The following NUCKS1 variants were observed in gnomAD, a reference collection of about 807,000 sequenced individuals.
The protein encoded by NUCKS1 is nuclear ubiquitous casein and cyclin-dependent kinase substrate 1.
A neutral mutation model predicts 33.0 loss-of-function variants in NUCKS1; 2 were observed. The observed-to-expected ratio is 0.06, with a 90% CI of 0.02 to 0.19. The LOEUF (loss-of-function observed/expected upper bound fraction) is 0.19, where lower values mean the gene tolerates loss of function less well. Among genes scored for constraint, NUCKS1 ranks in the 10% least tolerant of loss-of-function variants. The pLI is 1.00. For missense variants in NUCKS1, 201 were observed against 293.6 expected, an observed-to-expected ratio of 0.68 and a Z score of 2.31; for synonymous variants, 106 against 102.8, an observed-to-expected ratio of 1.03 and a Z score of -0.19.
In NUCKS1 at chr1:205,717,600, T is replaced by A; in HGVS notation, c.*680A>T. 1 of 984,416 alleles carries A rather than the reference T, an allele frequency of 1.0e-6. No individual in the cohort carries two copies. The highest frequency in any genetic ancestry group is 1.2e-6 in the Non-Finnish European group (1 of 829,862). 61.0% of individuals were successfully genotyped at this position (984,416 alleles called of 1,614,324 possible). A position where few individuals can be genotyped will look rare whatever the true frequency, so the allele number is the denominator to read the frequency against. On this transcript the variant is annotated 3_prime_UTR_variant, in exon 7 of 7. Coordinates refer to ENST00000367142, the MANE Select transcript of NUCKS1 (RefSeq NM_022731.5). ...GTGATGAAATAAAAAAGAAAGCCCA[T>A]ACCCTCAAATAAGGTCAGGTAACCC...
intron 1 of NUCKS1, among the ~76,000 whole-genome samples, chr1:205,734,618 G>A (rs1653989484): frequency 6.6e-6 from 1 of 152,196 alleles, no homozygotes; most frequent in Non-Finnish European, 1.5e-5. Flanking sequence ...TTCAGGCCGG[G>A]CTTGGTGGCT....
At chr1:205,729,512 T>C (rs1653857353) in intron 2 of NUCKS1, 60 bp downstream of exon 2, 1 of 1,090,428 alleles carries the variant, frequency 9.2e-7, no homozygotes, top group African/African-American at 1.6e-5. Flanking sequence ...TAAAACTATA[T>C]AAGCTGGTAA....
At chr1:205,740,383 C>T (rs1654138188) in intron 1 of NUCKS1, among the ~76,000 whole-genome samples, 1 of 151,916 alleles carries the variant, frequency 6.6e-6, no homozygotes, top group East Asian at 1.9e-4. Flanking sequence ...CTCTGGGAGG[C>T]AGAGATGGCA....
intron 1 of NUCKS1, among the ~76,000 whole-genome samples, chr1:205,745,766 T>C (rs568435352): frequency 6.6e-6 from 1 of 152,316 alleles, no homozygotes; most frequent in South Asian, 2.1e-4. Context: ...AACTGTAACA[T>C]ATTCTTTAAG....
At chr1:205,728,538 T>G (rs1653831193) in intron 2 of NUCKS1, among the ~76,000 whole-genome samples, 1 of 152,304 alleles carries the variant, frequency 6.6e-6, no homozygotes, top group East Asian at 1.9e-4. Flanking sequence ...AAATATTAAA[T>G]ACAAACATTT....
intron 1 of NUCKS1, among the ~76,000 whole-genome samples, chr1:205,746,633 T>C (rs1654340264): frequency 6.6e-6 from 1 of 152,178 alleles, no homozygotes. Flanking sequence ...TGAAACCAAT[T>C]GTTTTGGGGG....
intron 1 of NUCKS1, among the ~76,000 whole-genome samples, chr1:205,743,612 T>G (rs978610588): frequency 6.6e-6 from 1 of 152,248 alleles, no homozygotes; most frequent in Non-Finnish European, 1.5e-5. Flanking sequence ...GAAAGATTGT[T>G]TTGTTCTTGG....
intron 1 of NUCKS1, among the ~76,000 whole-genome samples, chr1:205,748,898 CTTT>C (rs1654399510): frequency 1.3e-5 from 2 of 152,278 alleles, no homozygotes; most frequent in East Asian, 1.9e-4. Flanking sequence ...AACAGCTCTC[CTTT>C]TTAAGGCCTC....
intron 1 of NUCKS1, among the ~76,000 whole-genome samples, chr1:205,736,724 G>A (rs1348556629): frequency 6.6e-6 from 1 of 151,932 alleles, no homozygotes; most frequent in Non-Finnish European, 1.5e-5. Flanking sequence ...CCAGGTACTT[G>A]GGAGGTTGAG....
Position 205,717,210 on chromosome 1 carries a change from T to C in NUCKS1, c.*1070A>G, listed in dbSNP as rs547206389. 27 of 576,756 alleles carry C rather than the reference T, an allele frequency of 4.7e-5. No homozygotes were observed. Among genetic ancestry groups the C allele is most frequent in the Admixed American group, 1.9e-4 (3 of 15,750 alleles). 35.7% of individuals were successfully genotyped at this position (576,756 alleles called of 1,614,324 possible). On this transcript the variant is annotated 3_prime_UTR_variant, in exon 7 of 7. Transcript: ENST00000367142. Reference sequence around the variant, plus strand: ...CCAAATAAAAGCAGAGCATGGTTAATGGGACCTGAATGCACATTTATAGCA... The same window carrying C: ...CCAAATAAAAGCAGAGCATGGTTAACGGGACCTGAATGCACATTTATAGCA...
At chr1:205,722,490 C>G (rs961559739) in intron 4 of NUCKS1, among the ~76,000 whole-genome samples, 1 of 152,220 alleles carries the variant, frequency 6.6e-6, no homozygotes, top group African/African-American at 2.4e-5. Flanking sequence ...CTCCTGACCT[C>G]AGGTGATCCA....
intron 1 of NUCKS1, among the ~76,000 whole-genome samples, chr1:205,741,445 G>A (rs529651948): frequency 1.3e-5 from 2 of 152,238 alleles, no homozygotes; most frequent in African/African-American, 2.4e-5. Flanking sequence ...ATGCAACTGG[G>A]GACAGAGAAA....
Position 205,750,040 on chromosome 1 carries a change from G to GCCCCCCCCCCCC in NUCKS1, c.-68_-67insGGGGGGGGGGGG. ...AGGACCCCCCCCACCCCGCGCGCTC[G>GCCCCCCCCCCCC]GCGCCCCACCCCCCCCGAACTTCAG... On this transcript the variant is annotated 5_prime_UTR_variant, in exon 1 of 7. Transcript: ENST00000367142. The GCCCCCCCCCCCC allele has an allele frequency of 8.3e-7, 1 of 1,207,842 alleles. No individual in the cohort carries two copies. The highest frequency in any genetic ancestry group is 1.0e-6 in the Non-Finnish European group (1 of 953,932). The allele number at this position is 1,207,842 out of a possible 1,614,324, so 74.8% of individuals were successfully genotyped here. A position where few individuals can be genotyped will look rare whatever the true frequency, so the allele number is the denominator to read the frequency against.
At chr1:205,723,580 A>G (rs1249461924) in intron 4 of NUCKS1, among the ~76,000 whole-genome samples, 1 of 152,072 alleles carries the variant, frequency 6.6e-6, no homozygotes, top group African/African-American at 2.4e-5. Flanking sequence ...TTTATATATT[A>G]TTCTATTTAG....
chr1:205,718,332 T>G lies in NUCKS1; in HGVS notation c.680A>C (p.Glu227Ala). 2.5e-6 allele frequency: 4 copies of G among 1,613,692 alleles called. No homozygotes were observed. The highest frequency in any genetic ancestry group is 3.4e-6 in the Non-Finnish European group (4 of 1,179,930). ...EKKTSTSPPPEKSGDEGSEDE... is the reference protein window; with the variant it reads ...EKKTSTSPPPAKSGDEGSEDE... ...TTCAGACCCTTCATCCCCAGATTTC[T>G]CGGGTGGGGGGCTTGTAGATGTTTT... is the stretch of plus-strand genomic sequence containing the variant. The change falls in exon 7 of 7, where the codon GAG becomes GCG. Residue 227 changes from glutamate (E) to alanine (A), a missense_variant. Transcript: ENST00000367142.
At chr1:205,749,572 C>A (rs1017397863) in intron 1 of NUCKS1, among the ~76,000 whole-genome samples, 21 of 151,812 alleles carry the variant, frequency 1.4e-4, no homozygotes, top group Admixed American at 1.0e-3. Context: ...AGCTCGAGTC[C>A]GCCCGCCTCC....
At chr1:205,749,819 G>A (rs913438472) in intron 1 of NUCKS1, 138 bp downstream of exon 1, 32 of 903,838 alleles carry the variant, frequency 3.5e-5, no homozygotes, top group Non-Finnish European at 4.8e-5. Flanking sequence ...CACGCTCAAG[G>A]GTGCGCGCGG....
intron 1 of NUCKS1, among the ~76,000 whole-genome samples, chr1:205,730,371 A>G (rs1653879000): frequency 6.6e-6 from 1 of 152,052 alleles, no homozygotes; most frequent in Non-Finnish European, 1.5e-5. Flanking sequence ...AAAGGCCCCC[A>G]CTTAAGCCTA....
chr1:205,713,510 GTAAAAAT>G lies in NUCKS1; in HGVS notation c.*4763_*4769del, dbSNP rs1671777204. Reference sequence around the variant, plus strand: ...CAGATACATACAGAGACTGGGATATGTAAAAATTAAGTATCACAAAAGACCATCACAC... The same window carrying G: ...CAGATACATACAGAGACTGGGATATGTAAGTATCACAAAAGACCATCACAC... On this transcript the variant is annotated 3_prime_UTR_variant, in exon 7 of 7. Transcript: ENST00000367142. 6.6e-6 allele frequency: 1 copy of G among 152,140 alleles called. No homozygotes were observed. The highest frequency in any genetic ancestry group is 6.5e-5 in the Admixed American group (1 of 15,274). 9.4% of individuals were successfully genotyped at this position (152,140 alleles called of 1,614,324 possible).
Sources: allele counts gnomAD v4.1 joint callset (sites outside exome capture counted in the v4.1 genomes callset), GRCh38; gene constraint gnomAD v4.1.1; transcripts MANE v1.5; gene names NCBI Gene and HGNC (gene_info 2026-07-23, HGNC 2026-07-21).